ZNF74: variants seen among roughly 807,000 people sequenced by gnomAD.
The protein encoded by ZNF74 is zinc finger protein 520.
ZNF74 carries 12 observed loss-of-function variants against 17.7 expected under a neutral mutation model. The ratio of observed to expected loss-of-function variants is 0.68; its 90% CI spans 0.43 to 1.10. The LOEUF (loss-of-function observed/expected upper bound fraction) is 1.10, where lower values mean the gene tolerates loss of function less well. Among genes scored for constraint, ZNF74 ranks in the 50% least tolerant of loss-of-function variants. ZNF74 has a pLI of 0.00. For synonymous variants in ZNF74, 358 were observed against 362.1 expected (o/e 0.99, Z 0.13); for missense variants, 811 against 881.0 (o/e 0.92, Z 1.01).
At position 20,406,193 on chromosome 22, in the gene ZNF74, C is replaced by T; in HGVS notation, c.1160C>T (p.Pro387Leu). 6.2e-7 allele frequency: 1 copy of T among 1,613,616 alleles called. No homozygotes were observed. The highest frequency in any genetic ancestry group is 8.5e-7 in the Non-Finnish European group (1 of 1,179,972). ...CACCGCATCCACACGGGCGAGAAGC[C>T]CTACCAGTGCGGCTCCTGCGGCAAG... ...RHHRIHTGEK[P>L]YQCGSCGKAF... Residue 387 changes from proline (P) to leucine (L), a missense_variant, in exon 5 of 5, where the codon CCC becomes CTC. Coordinates refer to ENST00000400451, the MANE Select transcript of ZNF74 (RefSeq NM_003426.4).
intron 2 of ZNF74, among the ~76,000 whole-genome samples, chr22:20,397,081 C>CT (rs770383844): frequency 9.0e-4 from 131 of 146,136 alleles, no homozygotes; most frequent in Middle Eastern, 7.2e-3. Context: ...CTTTCTTTTT[C>CT]TTTTTTTTTT....
At position 20,401,511 on chromosome 22, in the gene ZNF74, C is replaced by A. The variant is rs1390170490; in HGVS notation, c.343+139C>A. On this transcript the variant is annotated intron_variant, in intron 4 of 4. Coordinates refer to ENST00000400451, the MANE Select transcript of ZNF74 (RefSeq NM_003426.4). The surrounding 1 kb of genome is among the most constrained non-coding windows in gnomAD (Gnocchi z 4.2). ...GTCCCCCGCCAGACCCTCCTGCCTG[C>A]CTCCCTTCAGCACGTACTGAGCACT... The A allele has an allele frequency of 3.1e-6, 2 of 646,234 alleles. No homozygotes were observed. Among genetic ancestry groups the A allele is most frequent in the Non-Finnish European group, 5.6e-6 (2 of 358,336 alleles). 40.0% of individuals were successfully genotyped at this position (646,234 alleles called of 1,614,324 possible). A position where few individuals can be genotyped will look rare whatever the true frequency, so the allele number is the denominator to read the frequency against.
rs2052449846 is a variant in ZNF74 at position 20,407,834 on chromosome 22, A to C, written c.*866A>C. 1 of 152,192 alleles carries C rather than the reference A, an allele frequency of 6.6e-6. No homozygotes were observed. The highest frequency in any genetic ancestry group is 1.5e-5 in the Non-Finnish European group (1 of 68,028). The allele number at this position is 152,192 out of a possible 1,614,324, so 9.4% of individuals were successfully genotyped here. A position where few individuals can be genotyped will look rare whatever the true frequency, so the allele number is the denominator to read the frequency against. ...TGACAGTGCAGTCAGGGGCATTCCC[A>C]CAGCTGTCACAGCACGGCCCAGCAT... On this transcript the variant is annotated 3_prime_UTR_variant, in exon 5 of 5. Coordinates refer to ENST00000400451, the MANE Select transcript of ZNF74 (RefSeq NM_003426.4).
In ZNF74 at chr22:20,401,221, G is replaced by A. The variant is rs1489244995; in HGVS notation, c.248-56G>A. 4.7e-6 allele frequency: 6 copies of A among 1,273,620 alleles called. No individual in the cohort carries two copies. In the East Asian group the frequency reaches 1.2e-4, roughly 26 times the overall value. The allele number at this position is 1,273,620 out of a possible 1,614,324, so 78.9% of individuals were successfully genotyped here. On this transcript the variant is annotated intron_variant, in intron 3 of 4. Coordinates refer to ENST00000400451, the MANE Select transcript of ZNF74 (RefSeq NM_003426.4). The surrounding 1 kb of genome is among the most constrained non-coding windows in gnomAD (Gnocchi z 4.2). ...TCCTTGTTAGGGGGCGGCCTGTAAG[G>A]TCGACTGGGCCTGGAGAGCTGCAGC...
intron 2 of ZNF74, among the ~76,000 whole-genome samples, chr22:20,398,102 T>A (rs1005002491): frequency 3.3e-5 from 5 of 152,094 alleles, no homozygotes; most frequent in African/African-American, 1.2e-4. Flanking sequence ...GTGGAACACT[T>A]GAGGTCAGGA....
Position 20,405,919 on chromosome 22 carries a change from C to T in ZNF74, c.886C>T (p.Arg296Cys), listed in dbSNP as rs780889178. ...GAGCACCAACCTTCTGGAGCACCGG[C>T]GCATCCACACCGGCGAGAAGCCCTT... is the stretch of plus-strand genomic sequence containing the variant. ...TWSTNLLEHR[R>C]IHTGEKPFFC... is the part of the protein sequence containing the mutation. The change falls in exon 5 of 5, where the codon CGC (arginine) becomes TGC (cysteine). Residue 296 changes from arginine to cysteine, a missense_variant. By Grantham distance (180) the Arg-to-Cys change is radical. Around this residue, in one of 3 missense-constraint regions of ZNF74, gnomAD observed 666 missense variants for 702.3 expected, o/e 0.95. Coordinates refer to ENST00000400451, the MANE Select transcript of ZNF74 (RefSeq NM_003426.4). The T allele has an allele frequency of 2.5e-6, 4 of 1,613,448 alleles. No individual in the cohort carries two copies. In the African/African-American group the frequency reaches 4.0e-5, roughly 16 times the overall value.
chr22:20,399,887 G>A (rs1252468902), intron 2 of ZNF74: 1 of 156,820 alleles, frequency 6.4e-6, no homozygotes, highest in African/African-American at 2.4e-5. Flanking sequence ...TCACCTTTTA[G>A]TTATTTGATT....
At chr22:20,396,116 G>A (rs1336791299) in intron 2 of ZNF74, among the ~76,000 whole-genome samples, 1 of 151,882 alleles carries the variant, frequency 6.6e-6, no homozygotes, top group East Asian at 1.9e-4. Context: ...AGTTGACAAA[G>A]AGAGCACAGT....
intron 2 of ZNF74, among the ~76,000 whole-genome samples, chr22:20,396,895 C>T (rs1318646839): frequency 2.6e-5 from 4 of 152,034 alleles, no homozygotes; most frequent in African/African-American, 9.7e-5. Flanking sequence ...AATGATGACA[C>T]ATTAGACATG....
In ZNF74 at chr22:20,405,532, G is replaced by C. The variant is rs773380844; in HGVS notation, c.499G>C (p.Ala167Pro). ...QRSQAAPWAP[A>P]PAMVWDVPVE... ...GAGTCAGGCTGCGCCCTGGGCGCCCGCACCTGCCATGGTCTGGGACGTCCC... is the reference window on the plus strand; with the variant it reads ...GAGTCAGGCTGCGCCCTGGGCGCCCCCACCTGCCATGGTCTGGGACGTCCC... The change falls in exon 5 of 5, where the codon GCA (alanine) becomes CCA (proline). Residue 167 changes from alanine (A) to proline (P), a missense_variant. By Grantham distance (27) the Ala-to-Pro change is conservative (BLOSUM62 -1). Transcript: ENST00000400451. 6.9e-6 allele frequency: 11 copies of C among 1,602,316 alleles called. No individual in the cohort carries two copies. In the South Asian group the frequency reaches 1.1e-4, roughly 16 times the overall value.
Position 20,406,952 on chromosome 22 carries a change from G to A in ZNF74, c.1919G>A (p.Ser640Asn). The change falls in exon 5 of 5, where the codon AGC (serine) becomes AAC (asparagine). Residue 640 changes from serine (S) to asparagine (N), a missense_variant. Transcript: ENST00000400451. ...PRAGRNFSLGSKPRN is the reference protein window; with the variant it reads ...PRAGRNFSLGNKPRN ...GCTGGCAGGAATTTCTCCCTGGGGA[G>A]CAAACCTCGAAACTAACATGATGTG... is the stretch of plus-strand genomic sequence containing the variant. 3 of 1,612,514 alleles carry A rather than the reference G, an allele frequency of 1.9e-6. No individual in the cohort carries two copies. The South Asian group carries it at 3.3e-5, about 18-fold the overall frequency.
Position 20,394,455 on chromosome 22 carries a change from C to G in ZNF74, c.-174C>G. 1.5e-6 allele frequency: 1 copy of G among 653,652 alleles called. No homozygotes were observed. The highest frequency in any genetic ancestry group is 2.7e-6 in the Non-Finnish European group (1 of 371,062). The allele number at this position is 653,652 out of a possible 1,614,324, so 40.5% of individuals were successfully genotyped here. On this transcript the variant is annotated 5_prime_UTR_variant, in exon 1 of 5. Transcript: ENST00000400451. ...CGGCCTGAACCCCACCTCAGCCGGGCGCGGGGAGGGGGCTCCGTGCGTGTG... is the reference window on the plus strand; with the variant it reads ...CGGCCTGAACCCCACCTCAGCCGGGGGCGGGGAGGGGGCTCCGTGCGTGTG...
In ZNF74 at chr22:20,405,442, C is replaced by G; in HGVS notation, c.409C>G (p.Pro137Ala). Residue 137 changes from proline to alanine, a missense_variant, in exon 5 of 5, where the codon CCC becomes GCC. Coordinates refer to ENST00000400451, the MANE Select transcript of ZNF74 (RefSeq NM_003426.4). ...TTGCAAAGAAGAACCGGCCCAGGAG[C>G]CCATCATGGAGCGGCCCCTCGGCGG... ...GICKEEPAQE[P>A]IMERPLGGAQ... is the part of the protein sequence containing the mutation. 1 of 1,613,430 alleles carries G rather than the reference C, an allele frequency of 6.2e-7. No individual in the cohort carries two copies. The highest frequency in any genetic ancestry group is 8.5e-7 in the Non-Finnish European group (1 of 1,179,862).
rs1249289428 is a variant in ZNF74 at position 20,407,257 on chromosome 22, A to G, written c.*289A>G. 16 of 429,372 alleles carry G rather than the reference A, an allele frequency of 3.7e-5. No homozygotes were observed. The highest frequency in any genetic ancestry group is 2.5e-5 in the Non-Finnish European group (6 of 238,568). The allele number at this position is 429,372 out of a possible 1,614,324, so 26.6% of individuals were successfully genotyped here. On this transcript the variant is annotated 3_prime_UTR_variant, in exon 5 of 5. Transcript: ENST00000400451. ...GACAAGGGGAAAGATCTTTCTTGCCAATAAAAAGAAGGGATATCGTTGGGT... is the reference window on the plus strand; with the variant it reads ...GACAAGGGGAAAGATCTTTCTTGCCGATAAAAAGAAGGGATATCGTTGGGT...
rs761775955 is a variant in ZNF74 at position 20,406,038 on chromosome 22, C to T, written c.1005C>T (p.Ser335=). The T allele has an allele frequency of 2.7e-5, 43 of 1,613,348 alleles. No individual in the cohort carries two copies. Among genetic ancestry groups the T allele is most frequent in the Non-Finnish European group, 3.4e-5 (40 of 1,179,806 alleles). ...CGGGCGAGCGGCCCTACAAGTGCAG[C>T]GCCTGCGAGAAGGCCTTCAGCTGCA... The part of the protein sequence containing the change: ...IHTGERPYKC[S]ACEKAFSCSS... The change falls in exon 5 of 5, where the codon AGC becomes AGT. Residue 335 remains serine (S), a synonymous_variant. Transcript: ENST00000400451.
Position 20,406,172 on chromosome 22 carries a change from G to A in ZNF74, c.1139G>A (p.Arg380His). The change falls in exon 5 of 5, where the codon CGC (arginine) becomes CAC (histidine). Residue 380 changes from arginine to histidine, a missense_variant. Around this residue, in one of 3 missense-constraint regions of ZNF74, gnomAD observed 666 missense variants for 702.3 expected, o/e 0.95. Transcript: ENST00000400451. ...NQRTHLTRHH[R>H]IHTGEKPYQC... Reference sequence around the variant, plus strand: ...CGTACACACCTCACACGCCACCACCGCATCCACACGGGCGAGAAGCCCTAC... The same window carrying A: ...CGTACACACCTCACACGCCACCACCACATCCACACGGGCGAGAAGCCCTAC... 6.2e-7 allele frequency: 1 copy of A among 1,611,942 alleles called. No individual in the cohort carries two copies. Among genetic ancestry groups the A allele is most frequent in the Non-Finnish European group, 8.5e-7 (1 of 1,179,302 alleles).
rs2052447886 is a variant in ZNF74, at chr22:20,407,667, G to T, written c.*699G>T. 1 of 152,192 alleles carries T rather than the reference G, an allele frequency of 6.6e-6. No homozygotes were observed. The highest frequency in any genetic ancestry group is 1.5e-5 in the Non-Finnish European group (1 of 68,042). 9.4% of individuals were successfully genotyped at this position (152,192 alleles called of 1,614,324 possible). ...TATTTTCAGAATAATAATAAAACAA[G>T]AATTATGACTAGCATCACTTTCCAG... On this transcript the variant is annotated 3_prime_UTR_variant, in exon 5 of 5. Coordinates refer to ENST00000400451, the MANE Select transcript of ZNF74 (RefSeq NM_003426.4).
At chr22:20,403,062 C>T (rs2052376787) in intron 4 of ZNF74, among the ~76,000 whole-genome samples, 1 of 152,148 alleles carries the variant, frequency 6.6e-6, no homozygotes, top group Non-Finnish European at 1.5e-5. Flanking sequence ...GCATAGTGAG[C>T]GTCCTCACGT....
chr22:20,395,370 G>T lies in ZNF74; in HGVS notation c.72G>T (p.Glu24Asp). The T allele has an allele frequency of 6.2e-7, 1 of 1,605,904 alleles. No individual in the cohort carries two copies. The highest frequency in any genetic ancestry group is 1.1e-5 in the South Asian group (1 of 90,534). Residue 24 changes from glutamate (E) to aspartate (D), a missense_variant, in exon 2 of 5, where the codon GAG becomes GAT. Transcript: ENST00000400451. ...SSQDPALSLK[E>D]NLEDISGWGL... ...AGGATCCTGCTCTTTCCCTGAAAGA[G>T]AATCTCGAGGATATATCGGGTTGGG...
Sources: allele counts gnomAD v4.1 joint callset (sites outside exome capture counted in the v4.1 genomes callset), GRCh38; gene constraint gnomAD v4.1.1; regional missense constraint gnomAD v4.1.1; non-coding constraint Gnocchi (gnomAD v3.1); transcripts MANE v1.5; gene names NCBI Gene and HGNC (gene_info 2026-07-23, HGNC 2026-07-21).